Variants in MYOZ2 observed in about 807,000 individuals in gnomAD.
MYOZ2 encodes myozenin-2.
In MYOZ2, 19 loss-of-function variants were observed where a neutral mutation model predicts 25.4. That is an observed-to-expected ratio of 0.75 (90% CI 0.52 to 1.10). The LOEUF (loss-of-function observed/expected upper bound fraction) is 1.10, where lower values mean the gene tolerates loss of function less well. Ranked by LOEUF, MYOZ2 falls within the 50% of genes least tolerant of loss-of-function variation. MYOZ2 has a pLI of 0.00. For missense variants in MYOZ2, 270 were observed against 317.9 expected (o/e 0.85, Z 1.15); for synonymous variants, 92 against 106.9 (o/e 0.86, Z 0.86).
chr4:119,138,546 T>A (rs1424030148), intron 2 of MYOZ2, among the ~76,000 whole-genome samples: 2 of 152,200 alleles, frequency 1.3e-5, no homozygotes, highest in African/African-American at 4.8e-5. Flanking sequence ...TCAAACATTT[T>A]ACAGGAGTAA....
intron 5 of MYOZ2, among the ~76,000 whole-genome samples, chr4:119,165,501 C>T (rs55890361): frequency 6.6e-6 from 1 of 151,242 alleles, no homozygotes; most frequent in Non-Finnish European, 1.5e-5. Flanking sequence ...AATAGTGAGA[C>T]CTTGTCTCAA....
At chr4:119,164,059 C>G in intron 4 of MYOZ2, 152 bp from the exon 5 acceptor site, 1 of 717,302 alleles carries the variant, frequency 1.4e-6, no homozygotes, top group Non-Finnish European at 2.4e-6. Flanking sequence ...ATGTCTAACA[C>G]TTGCAGACTG....
intron 2 of MYOZ2, among the ~76,000 whole-genome samples, chr4:119,144,482 G>T (rs75620101): frequency 0.04 from 6,075 of 152,224 alleles, 426 homozygotes; most frequent in African/African-American, 0.14. Flanking sequence ...GTCCAGTATT[G>T]CAGGGTAGTT....
intron 4 of MYOZ2, among the ~76,000 whole-genome samples, chr4:119,161,511 A>T (rs1484943649): frequency 2.0e-5 from 3 of 152,274 alleles, no homozygotes; most frequent in African/African-American, 7.2e-5. Context: ...GTTATATTAA[A>T]ACATATTTAA....
chr4:119,180,904 A>G (rs994351708), intron 5 of MYOZ2, among the ~76,000 whole-genome samples: 1 of 152,156 alleles, frequency 6.6e-6, no homozygotes, highest in Non-Finnish European at 1.5e-5. Context: ...AGTACTTTTT[A>G]TATTATGCTA....
At chr4:119,158,352 T>C (rs1561116864) in intron 4 of MYOZ2, among the ~76,000 whole-genome samples, 1 of 152,092 alleles carries the variant, frequency 6.6e-6, no homozygotes, top group Non-Finnish European at 1.5e-5. Flanking sequence ...GCCCACAAGT[T>C]TGAGACCAGC....
intron 2 of MYOZ2, among the ~76,000 whole-genome samples, chr4:119,137,761 C>T (rs937484665): frequency 6.6e-6 from 1 of 152,156 alleles, no homozygotes; most frequent in African/African-American, 2.4e-5. Flanking sequence ...GATACCAGAA[C>T]TGAATTCATA....
At chr4:119,160,611 A>T (rs1167073212) in intron 4 of MYOZ2, among the ~76,000 whole-genome samples, 1 of 152,074 alleles carries the variant, frequency 6.6e-6, no homozygotes, top group Non-Finnish European at 1.5e-5. Context: ...TTGTATATGT[A>T]TGTTTATATA....
intron 3 of MYOZ2, among the ~76,000 whole-genome samples, 187 bp downstream of exon 3, chr4:119,151,228 T>C (rs1393786332): frequency 1.3e-5 from 2 of 152,110 alleles, no homozygotes; most frequent in Non-Finnish European, 2.9e-5. Flanking sequence ...ATGATATGAG[T>C]ATGCTTTTAG....
chr4:119,176,389 T>G (rs1012711121), intron 5 of MYOZ2, among the ~76,000 whole-genome samples: 1 of 151,988 alleles, frequency 6.6e-6, no homozygotes, highest in African/African-American at 2.4e-5. Flanking sequence ...CCCAGCTAAT[T>G]TTTTTGTATT....
intron 3 of MYOZ2, among the ~76,000 whole-genome samples, chr4:119,154,030 T>G (rs1006932412): frequency 6.6e-6 from 1 of 152,126 alleles, no homozygotes; most frequent in Non-Finnish European, 1.5e-5. Context: ...ATATTATATT[T>G]TTTGAATCAC....
At chr4:119,149,842 T>C (rs1022899757) in intron 2 of MYOZ2, among the ~76,000 whole-genome samples, 1 of 152,220 alleles carries the variant, frequency 6.6e-6, no homozygotes. Context: ...ACAGGTAAAC[T>C]AATTTTTCTC....
chr4:119,174,757 T>A (rs927578977), intron 5 of MYOZ2, among the ~76,000 whole-genome samples: 2 of 152,146 alleles, frequency 1.3e-5, no homozygotes, highest in Non-Finnish European at 2.9e-5. Flanking sequence ...TCGGGTCCCC[T>A]TCCACACAGT....
At chr4:119,140,464 A>G (rs1741139529) in intron 2 of MYOZ2, among the ~76,000 whole-genome samples, 1 of 152,216 alleles carries the variant, frequency 6.6e-6, no homozygotes, top group Non-Finnish European at 1.5e-5. Context: ...TAATTTTCAC[A>G]TTAGCATTCT....
intron 5 of MYOZ2, among the ~76,000 whole-genome samples, chr4:119,177,519 G>A (rs1447814915): frequency 1.3e-5 from 2 of 152,054 alleles, no homozygotes; most frequent in Non-Finnish European, 2.9e-5. Context: ...AACATGGGAT[G>A]TTTCCACAAA....
At chr4:119,168,459 A>G (rs753048358) in intron 5 of MYOZ2, among the ~76,000 whole-genome samples, 1 of 152,250 alleles carries the variant, frequency 6.6e-6, no homozygotes, top group African/African-American at 2.4e-5. Context: ...TCACCATTCT[A>G]GATGCCATGA....
chr4:119,170,428 G>C (rs1373752062), intron 5 of MYOZ2, among the ~76,000 whole-genome samples: 1 of 152,098 alleles, frequency 6.6e-6, no homozygotes, highest in Non-Finnish European at 1.5e-5. Context: ...AGGGACCATG[G>C]ATAGAGCTCT....
intron 2 of MYOZ2, among the ~76,000 whole-genome samples, chr4:119,147,675 C>T (rs1312973454): frequency 6.8e-6 from 1 of 147,224 alleles, no homozygotes; most frequent in Non-Finnish European, 1.5e-5. Context: ...ACCTGGGAGG[C>T]GAAGGTTGCA....
chr4:119,174,788 CTT>C (rs1742022587), intron 5 of MYOZ2, among the ~76,000 whole-genome samples: 1 of 152,124 alleles, frequency 6.6e-6, no homozygotes, highest in African/African-American at 2.4e-5. Context: ...TTCTTTCACT[CTT>C]TGCAATAAAT....
Sources: allele counts gnomAD v4.1 joint callset (sites outside exome capture counted in the v4.1 genomes callset), GRCh38; gene constraint gnomAD v4.1.1; transcripts MANE v1.5; gene names NCBI Gene and HGNC (gene_info 2026-07-23, HGNC 2026-07-21).